The following ATP9A variants were observed in gnomAD, a reference collection of about 807,000 sequenced individuals.
The protein encoded by ATP9A is probable phospholipid-transporting ATPase IIA.
Under a neutral mutation model 144.1 loss-of-function variants are expected in ATP9A, and 52 were observed. The ratio of observed to expected loss-of-function variants is 0.36; its 90% CI spans 0.29 to 0.45. ATP9A has a LOEUF of 0.45. Among genes scored for constraint, ATP9A ranks in the 20% least tolerant of loss-of-function variants. The pLI, the probability that ATP9A is intolerant of heterozygous loss-of-function variation, is 1.00. For missense variants in ATP9A, 947 were observed against 1,392.7 expected (o/e 0.68, Z 5.09); for synonymous variants, 582 against 557.4 (o/e 1.04, Z -0.62).
intron 1 of ATP9A, among the ~76,000 whole-genome samples, chr20:51,765,969 G>A (rs1046283054): frequency 1.3e-5 from 2 of 152,062 alleles, no homozygotes; most frequent in African/African-American, 4.8e-5. Flanking sequence ...AAAAAAGAAA[G>A]ATTAGTTCCA....
intron 1 of ATP9A, among the ~76,000 whole-genome samples, chr20:51,765,445 A>C (rs1226508838): frequency 1.3e-5 from 2 of 151,924 alleles, no homozygotes; most frequent in South Asian, 2.1e-4. Context: ...ACCTGAGGTA[A>C]GGAGTTCGAG....
At chr20:51,731,286 G>A (rs6013263) in intron 1 of ATP9A, among the ~76,000 whole-genome samples, 29,106 of 151,940 alleles carry the variant, frequency 0.19, 3,280 homozygotes, top group African/African-American at 0.3. Context: ...GCAACAGAGC[G>A]AGACTCCGTC....
chr20:51,744,141 CCATTT>C (rs1220044764), intron 1 of ATP9A, among the ~76,000 whole-genome samples: 1 of 151,922 alleles, frequency 6.6e-6, no homozygotes, highest in Non-Finnish European at 1.5e-5. Flanking sequence ...CCTGCTTAGA[CCATTT>C]ATTTATTATT....
intron 10 of ATP9A, among the ~76,000 whole-genome samples, chr20:51,675,697 T>C (rs974101254): frequency 2.6e-5 from 4 of 152,068 alleles, no homozygotes; most frequent in African/African-American, 9.7e-5. Flanking sequence ...CTGGCCAACA[T>C]GGTGAAACCC....
intron 13 of ATP9A, among the ~76,000 whole-genome samples, chr20:51,657,948 C>T (rs1263859741): frequency 6.6e-6 from 1 of 152,218 alleles, no homozygotes; most frequent in East Asian, 1.9e-4. Context: ...AGCTCCATGG[C>T]ATACAACTGG....
At chr20:51,637,122 G>A (rs142391761) in intron 15 of ATP9A, among the ~76,000 whole-genome samples, 1 of 151,926 alleles carries the variant, frequency 6.6e-6, no homozygotes, top group African/African-American at 2.4e-5. Context: ...TGTCATTCCT[G>A]TCATTCTTCT....
intron 3 of ATP9A, among the ~76,000 whole-genome samples, chr20:51,715,340 A>G (rs1466928132): frequency 6.6e-6 from 1 of 152,234 alleles, no homozygotes; most frequent in Non-Finnish European, 1.5e-5. Flanking sequence ...GAATCAAAGC[A>G]TAACCAGACC....
chr20:51,643,385 A>G (rs2077328725), intron 14 of ATP9A, among the ~76,000 whole-genome samples: 2 of 152,210 alleles, frequency 1.3e-5, no homozygotes, highest in African/African-American at 4.8e-5. Context: ...GCTATGCTAT[A>G]GACTATGTTT....
At chr20:51,621,632 A>C (rs1475723245) in intron 19 of ATP9A, among the ~76,000 whole-genome samples, 4 of 152,148 alleles carry the variant, frequency 2.6e-5, no homozygotes, top group Non-Finnish European at 5.9e-5. Flanking sequence ...AATGGTCCTA[A>C]ATGCTTCCCC....
intron 22 of ATP9A, among the ~76,000 whole-genome samples, chr20:51,617,090 C>T (rs2077206245): frequency 1.3e-5 from 2 of 151,898 alleles, no homozygotes; most frequent in Non-Finnish European, 2.9e-5. Context: ...TACAGGCACC[C>T]ACCACCATGC....
chr20:51,636,038 T>C lies in ATP9A; in HGVS notation c.1668+3305A>G, dbSNP rs531906667. 8.7e-4 allele frequency among the ~76,000 whole-genome samples: 133 copies of C among 152,286 alleles called. 1 individual carries two copies. The highest frequency in any genetic ancestry group is 6.3e-3 in the Admixed American group (97 of 15,292). ...TATACACTATGTTTTTTCCTACACA[T>C]ACATACCTATGATAAAGTTTAATTT... On this transcript the variant is annotated intron_variant, in intron 15 of 27. Transcript: ENST00000338821.
chr20:51,692,165 G>C lies in ATP9A; in HGVS notation c.643-1346C>G, dbSNP rs147175411. 5.0e-3 allele frequency among the ~76,000 whole-genome samples: 754 copies of C among 152,314 alleles called. 2 individuals are homozygous for C. Among genetic ancestry groups the C allele is most frequent in the Non-Finnish European group, 9.0e-3 (614 of 68,032 alleles). On this transcript the variant is annotated intron_variant, in intron 7 of 27. Transcript: ENST00000338821. ...GAAAGATGAAAAAAGTTCCGAAGAT[G>C]AACACGGCTGATGCCTGCATGACAA... is the stretch of plus-strand genomic sequence containing the variant.
At chr20:51,751,540 C>T (rs2077832010) in intron 1 of ATP9A, among the ~76,000 whole-genome samples, 1 of 152,000 alleles carries the variant, frequency 6.6e-6, no homozygotes, top group African/African-American at 2.4e-5. Context: ...GGGATACAGG[C>T]ATGAGCCACC....
intron 1 of ATP9A, among the ~76,000 whole-genome samples, chr20:51,730,324 C>T (rs559818996): frequency 2.7e-4 from 41 of 152,204 alleles, no homozygotes; most frequent in African/African-American, 9.6e-4. Flanking sequence ...AAAAATTAGC[C>T]GGGCGTGTTG....
intron 1 of ATP9A, among the ~76,000 whole-genome samples, chr20:51,746,021 T>C (rs564451221): frequency 6.6e-6 from 1 of 152,314 alleles, no homozygotes; most frequent in South Asian, 2.1e-4. Flanking sequence ...GATTGTGTCT[T>C]TTGCAGGACA....
chr20:51,714,563 T>G (rs985139253), intron 3 of ATP9A, among the ~76,000 whole-genome samples: 1 of 152,200 alleles, frequency 6.6e-6, no homozygotes, highest in African/African-American at 2.4e-5. Flanking sequence ...AGACAGGGTT[T>G]CACCATGTTG....
chr20:51,709,201 T>C (rs986042234), intron 4 of ATP9A, among the ~76,000 whole-genome samples: 1 of 152,036 alleles, frequency 6.6e-6, no homozygotes, highest in Non-Finnish European at 1.5e-5. Flanking sequence ...ATATGGACAT[T>C]GGGGGAAACA....
intron 4 of ATP9A, among the ~76,000 whole-genome samples, chr20:51,711,887 C>A (rs113011694): frequency 4.1e-5 from 5 of 122,942 alleles, no homozygotes; most frequent in African/African-American, 1.6e-4. Flanking sequence ...GATGGAGTTT[C>A]CCTCGTCACC....
chr20:51,687,775 AAATGAATG>A (rs1555836823), intron 9 of ATP9A, among the ~76,000 whole-genome samples: 6 of 147,570 alleles, frequency 4.1e-5, no homozygotes, highest in Admixed American at 1.3e-4. Context: ...AAAAAAAAAA[AAATGAATG>A]AATGAATGAA....
Sources: gnomAD v4.1 joint callset for allele counts (sites outside exome capture counted in the v4.1 genomes callset) on GRCh38, gnomAD v4.1.1 for gene constraint, MANE v1.5 for transcripts, NCBI Gene and HGNC (gene_info 2026-07-23, HGNC 2026-07-21) for gene names.